Variants in MKLN1 observed in about 807,000 individuals in gnomAD.
MKLN1 encodes muskelin 1.
In MKLN1, 18 loss-of-function variants were observed where a neutral mutation model predicts 99.0. That is an observed-to-expected ratio of 0.18 (90% CI 0.13 to 0.27). MKLN1 has a LOEUF of 0.27. MKLN1 is among the 10% of genes least tolerant of loss of function. The pLI, the probability that MKLN1 is intolerant of heterozygous loss-of-function variation, is 1.00. For synonymous variants in MKLN1, 288 were observed against 293.2 expected, an observed-to-expected ratio of 0.98 and a Z score of 0.18; for missense variants, 621 against 875.9, an observed-to-expected ratio of 0.71 and a Z score of 3.67.
Position 131,495,131 on chromosome 7 carries a change from A to C in MKLN1, c.*7403A>C, listed in dbSNP as rs1196005219. 5 of 152,176 alleles carry C rather than the reference A, an allele frequency of 3.3e-5. No individual in the cohort carries two copies. The highest frequency in any genetic ancestry group is 5.9e-5 in the Non-Finnish European group (4 of 68,032). The allele number at this position is 152,176 out of a possible 1,614,324, so 9.4% of individuals were successfully genotyped here. On this transcript the variant is annotated 3_prime_UTR_variant, in exon 18 of 18. Coordinates refer to ENST00000352689, the MANE Select transcript of MKLN1 (RefSeq NM_013255.5). ...CATATTTCTAAACAGTTTGGGAAAG[A>C]TGTTAGAATTTTTTAAAAGTCAGCT...
At chr7:131,203,850 A>G (rs1399176181) in intron 3 of MKLN1, among the ~76,000 whole-genome samples, 1 of 152,170 alleles carries the variant, frequency 6.6e-6, no homozygotes, top group Non-Finnish European at 1.5e-5. Context: ...TGCTTTGAAC[A>G]TGATGCTTGG....
intron 3 of MKLN1, among the ~76,000 whole-genome samples, chr7:131,302,582 A>G (rs1798392026): frequency 6.6e-6 from 1 of 152,172 alleles, no homozygotes; most frequent in Non-Finnish European, 1.5e-5. Flanking sequence ...TAATTTGCAA[A>G]GCAACCCCCA....
At chr7:131,394,502 C>A (rs1794299951) in intron 4 of MKLN1, among the ~76,000 whole-genome samples, 1 of 152,014 alleles carries the variant, frequency 6.6e-6, no homozygotes, top group Non-Finnish European at 1.5e-5. Flanking sequence ...CTTTGAGAAT[C>A]TAATGCCAAC....
intron 3 of MKLN1, among the ~76,000 whole-genome samples, chr7:131,245,732 G>A (rs1797477691): frequency 6.6e-6 from 1 of 152,224 alleles, no homozygotes; most frequent in Non-Finnish European, 1.5e-5. Flanking sequence ...TAGCCTAGGT[G>A]TGCAGTGGGC....
At chr7:131,145,695 C>T (rs982067745) in intron 2 of MKLN1, among the ~76,000 whole-genome samples, 4 of 152,178 alleles carry the variant, frequency 2.6e-5, no homozygotes, top group Admixed American at 2.0e-4. Flanking sequence ...GAGGTCTATC[C>T]GGCAGAGGAG....
At chr7:131,307,143 G>A (rs534088345) in intron 3 of MKLN1, among the ~76,000 whole-genome samples, 2 of 152,152 alleles carry the variant, frequency 1.3e-5, no homozygotes, top group South Asian at 4.1e-4. Flanking sequence ...AGAGTGTGCT[G>A]CCCCATATCT....
At chr7:131,376,412 G>A (rs1045387295) in intron 2 of MKLN1, among the ~76,000 whole-genome samples, 15 of 150,340 alleles carry the variant, frequency 1.0e-4, no homozygotes, top group African/African-American at 3.4e-4. Context: ...GGGAGGCCGA[G>A]GAGGGCAGAT....
intron 2 of MKLN1, among the ~76,000 whole-genome samples, chr7:131,187,008 C>T (rs761635491): frequency 9.9e-5 from 15 of 152,080 alleles, no homozygotes; most frequent in Admixed American, 6.6e-5. Flanking sequence ...GTTAGAGAGG[C>T]GTGAAATAGC....
At chr7:131,451,193 A>G (rs930063932) in intron 12 of MKLN1, among the ~76,000 whole-genome samples, 4 of 152,158 alleles carry the variant, frequency 2.6e-5, no homozygotes, top group Non-Finnish European at 5.9e-5. Context: ...GAAAACACCA[A>G]TTTTATCCAT....
intron 1 of MKLN1, among the ~76,000 whole-genome samples, chr7:131,358,484 G>T (rs1799942433): frequency 6.6e-6 from 1 of 152,108 alleles, no homozygotes; most frequent in Non-Finnish European, 1.5e-5. Context: ...AGATTGGCTG[G>T]AGGTTTTCTT....
intron 1 of MKLN1, among the ~76,000 whole-genome samples, chr7:131,360,599 T>C (rs1189590225): frequency 6.6e-6 from 1 of 152,210 alleles, no homozygotes; most frequent in Non-Finnish European, 1.5e-5. Context: ...TTGTATCCCT[T>C]ATAATGTTGT....
chr7:131,446,284 A>T (rs761298466), intron 12 of MKLN1, among the ~76,000 whole-genome samples: 1 of 152,122 alleles, frequency 6.6e-6, no homozygotes, highest in Non-Finnish European at 1.5e-5. Flanking sequence ...TAAGGGGGGA[A>T]CTTCATGGGA....
At chr7:131,439,471 C>G (rs1795766953) in intron 10 of MKLN1, among the ~76,000 whole-genome samples, 1 of 152,102 alleles carries the variant, frequency 6.6e-6, no homozygotes, top group Admixed American at 6.6e-5. Flanking sequence ...GGTGAAGAAA[C>G]AAGGATTTCA....
chr7:131,340,574 C>T (rs375323630), intron 1 of MKLN1, among the ~76,000 whole-genome samples: 17 of 152,172 alleles, frequency 1.1e-4, no homozygotes, highest in South Asian at 4.2e-4. Flanking sequence ...CCACCGTGCC[C>T]GGCTTCCTGT....
intron 1 of MKLN1, among the ~76,000 whole-genome samples, chr7:131,349,717 CTA>C (rs1387386588): frequency 2.0e-5 from 3 of 152,126 alleles, no homozygotes. Flanking sequence ...CAATTGAGGA[CTA>C]TTTTTATATG....
chr7:131,478,402 C>A, intron 16 of MKLN1: 1 of 414,760 alleles, frequency 2.4e-6, no homozygotes, highest in Non-Finnish European at 4.2e-6. Flanking sequence ...AGGACATGGC[C>A]CAGTATTTTA....
Position 131,388,876 on chromosome 7 carries a change from T to TC in MKLN1, c.312-5dup, listed in dbSNP as rs771086019. On this transcript the variant is annotated splice_polypyrimidine_tract_variant and splice_region_variant and intron_variant, in intron 3 of 17. Transcript: ENST00000352689. ...GTCAGATTTAATAGCCTTATTTTTT[T>TC]CCCACAGTGGCTTAAAGAATGATTA... is the stretch of plus-strand genomic sequence containing the variant. The TC allele has an allele frequency of 1.1e-5, 17 of 1,589,208 alleles. No individual in the cohort carries two copies. The South Asian group carries it at 1.5e-4, about 14-fold the overall frequency.
chr7:131,189,754 G>A (rs1451713669), intron 2 of MKLN1, among the ~76,000 whole-genome samples: 2 of 152,090 alleles, frequency 1.3e-5, no homozygotes, highest in African/African-American at 4.8e-5. Context: ...ACTATTAGAC[G>A]CCCGTTGACT....
chr7:131,316,083 G>A (rs771488825), intron 3 of MKLN1, among the ~76,000 whole-genome samples: 2 of 152,166 alleles, frequency 1.3e-5, no homozygotes, highest in Non-Finnish European at 2.9e-5. Context: ...CTCTGCAAAG[G>A]GATGAAGTGC....
Sources: allele counts gnomAD v4.1 joint callset (sites outside exome capture counted in the v4.1 genomes callset), GRCh38; gene constraint gnomAD v4.1.1; transcripts MANE v1.5; gene names NCBI Gene and HGNC (gene_info 2026-07-23, HGNC 2026-07-21).